Variants in NAV3 observed in about 807,000 individuals in gnomAD.
The protein encoded by NAV3 is neuron navigator 3.
In NAV3, 87 loss-of-function variants were observed where a neutral mutation model predicts 244.7. The observed-to-expected ratio is 0.36, with a 90% CI of 0.30 to 0.42. NAV3 has a LOEUF of 0.42. Among genes scored for constraint, NAV3 ranks in the 20% least tolerant of loss-of-function variants. The pLI is 1.00. For synonymous variants in NAV3, 1,126 were observed against 1,042.2 expected, an observed-to-expected ratio of 1.08 and a Z score of -1.55; for missense variants, 2,663 against 2,893.3, an observed-to-expected ratio of 0.92 and a Z score of 1.83.
At position 77,972,207 on chromosome 12, in the gene NAV3, C is replaced by A. The variant is rs115521533; in HGVS notation, c.671+3505C>A. 8.6e-3 allele frequency among the ~76,000 whole-genome samples: 1,315 copies of A among 152,182 alleles called. 19 individuals are homozygous for A. The highest frequency in any genetic ancestry group is 0.03 in the African/African-American group (1,256 of 41,518). ...GAGTGTGTGTGTGTGCACAAGTGTG[C>A]ATGCATGTGTGTCCTGCTCAAGTGG... On this transcript the variant is annotated intron_variant, in intron 5 of 39. Transcript: ENST00000397909.
Position 77,610,921 on chromosome 12 carries a change from AAG to A in NAV3, c.72+38661_72+38662del, listed in dbSNP as rs777763922. ...AATAAAATAGACAAGAAAATAGAGT[AAG>A]AGAGAAGTAAAAACTAAACCTTTGG... On this transcript the variant is annotated intron_variant, in intron 2 of 8. Coordinates refer to the NAV3 transcript ENST00000550042. 1.1e-3 allele frequency among the ~76,000 whole-genome samples: 170 copies of A among 152,020 alleles called. 1 individual carries two copies. The highest frequency in any genetic ancestry group is 3.4e-3 in the Middle Eastern group (1 of 292).
chr12:77,973,906 AAAG>A (rs1459024073), intron 5 of NAV3, among the ~76,000 whole-genome samples: 1 of 152,162 alleles, frequency 6.6e-6, no homozygotes, highest in Admixed American at 6.6e-5. Flanking sequence ...CAAAAACAGA[AAAG>A]AAGAGGGATA....
chr12:78,164,944 A>G (rs412977), intron 23 of NAV3, among the ~76,000 whole-genome samples: 7,469 of 152,164 alleles, frequency 0.049, 203 homozygotes, highest in Non-Finnish European at 0.072. Context: ...GAGATCAGGT[A>G]TAGTTAAGAA....
chr12:77,867,063 A>G (rs1880155285), intron 1 of NAV3, among the ~76,000 whole-genome samples: 3 of 152,132 alleles, frequency 2.0e-5, no homozygotes, highest in Admixed American at 2.0e-4. Context: ...AACTAGTCTG[A>G]GTTACTGTAG....
rs367571223 is a variant in NAV3 at position 78,122,399 on chromosome 12, G to A, written c.4209G>A (p.Thr1403=). The change falls in exon 16 of 40, where the codon ACG becomes ACA. Residue 1403 remains threonine (T), a synonymous_variant. Coordinates refer to ENST00000397909, the MANE Select transcript of NAV3 (RefSeq NM_001024383.2). Reference sequence around the variant, plus strand: ...AGGTCCAGAGCCTGCTCATGAGAACGGGTAGTGTGAGATCTACTCTCTCAG... The same window carrying A: ...AGGTCCAGAGCCTGCTCATGAGAACAGGTAGTGTGAGATCTACTCTCTCAG... ...THEVQSLLMR[T]GSVRSTLSES... is the part of the protein sequence containing the mutation. The A allele has an allele frequency of 3.1e-5, 50 of 1,608,792 alleles. No homozygotes were observed. Among genetic ancestry groups the A allele is most frequent in the South Asian group, 1.7e-4 (15 of 90,378 alleles).
intron 1 of NAV3, among the ~76,000 whole-genome samples, chr12:77,835,423 T>C (rs1874460025): frequency 6.6e-6 from 1 of 152,224 alleles, no homozygotes; most frequent in Non-Finnish European, 1.5e-5. Flanking sequence ...TTTTATGATC[T>C]GGTTTGAGAG....
chr12:77,630,919 A>G (rs11106032), intron 2 of NAV3, among the ~76,000 whole-genome samples: 18,160 of 152,190 alleles, frequency 0.12, 1,999 homozygotes, highest in African/African-American at 0.29. Context: ...AATATCATAC[A>G]TTTGGTGATA....
In NAV3 at chr12:77,941,553, C is replaced by A. The variant is rs1374871695; in HGVS notation, c.414+420C>A. ...GTCCAGTGTAAACACATGGACTCTTCAACACTTCTGGAAATAGTTCTCAAG... is the reference window on the plus strand; with the variant it reads ...GTCCAGTGTAAACACATGGACTCTTAAACACTTCTGGAAATAGTTCTCAAG... On this transcript the variant is annotated intron_variant, in intron 3 of 39. Coordinates refer to ENST00000397909, the MANE Select transcript of NAV3 (RefSeq NM_001024383.2). Among the ~76,000 whole-genome samples the A allele has an allele frequency of 2.0e-5, 3 of 152,232 alleles. No homozygotes were observed. In the East Asian group the frequency reaches 5.8e-4, roughly 29 times the overall value.
intron 39 of NAV3, among the ~76,000 whole-genome samples, chr12:78,206,721 A>C (rs1439837746): frequency 1.3e-5 from 2 of 152,114 alleles, no homozygotes; most frequent in Non-Finnish European, 2.9e-5. Context: ...GCTCTATTAA[A>C]CATCTTAAGA....
At chr12:77,961,735 G>T (rs1892036650) in intron 3 of NAV3, among the ~76,000 whole-genome samples, 1 of 136,802 alleles carries the variant, frequency 7.3e-6, no homozygotes, top group Non-Finnish European at 1.5e-5. Context: ...TGTAATATAT[G>T]ATTAAAGTAG....
At chr12:77,808,035 A>G (rs770325265) in intron 2 of NAV3, among the ~76,000 whole-genome samples, 2 of 152,052 alleles carry the variant, frequency 1.3e-5, no homozygotes, top group Non-Finnish European at 2.9e-5. Flanking sequence ...CAGGTCATTT[A>G]TGTTCTTCTC....
At chr12:77,930,678 C>T (rs1175065343) in intron 1 of NAV3, among the ~76,000 whole-genome samples, 1 of 152,088 alleles carries the variant, frequency 6.6e-6, no homozygotes, top group Non-Finnish European at 1.5e-5. Flanking sequence ...CATTTGGTCA[C>T]CTGTTTGTTG....
rs542993067 is a variant in NAV3, at chr12:77,608,256, T to G, written c.72+35990T>G. 2.0e-5 allele frequency among the ~76,000 whole-genome samples: 3 copies of G among 152,260 alleles called. No individual in the cohort carries two copies. In the South Asian group the frequency reaches 6.2e-4, roughly 32 times the overall value. ...ATACTGTAATGTTATTCAAACATTC[T>G]TCTTAAACAGATCCAGGAAAATGAG... On this transcript the variant is annotated intron_variant, in intron 2 of 8. Coordinates refer to the NAV3 transcript ENST00000550042.
chr12:78,119,982 G>A (rs1326779697), intron 15 of NAV3, 37 bp downstream of exon 15: 4 of 1,538,180 alleles, frequency 2.6e-6, no homozygotes, highest in Non-Finnish European at 3.5e-6. Context: ...AAAATATAAA[G>A]GATAAATATG....
chr12:77,869,279 G>A (rs944310698), intron 1 of NAV3, among the ~76,000 whole-genome samples: 1 of 151,984 alleles, frequency 6.6e-6, no homozygotes, highest in African/African-American at 2.4e-5. Flanking sequence ...TAAAGTTCTC[G>A]AGAGATAGTA....
chr12:77,758,499 T>C (rs1032887378), intron 2 of NAV3, among the ~76,000 whole-genome samples: 9 of 152,200 alleles, frequency 5.9e-5, no homozygotes, highest in Non-Finnish European at 4.4e-5. Context: ...CCATATCTTC[T>C]TTTTATCACT....
chr12:77,588,765 A>G (rs1417589388), intron 2 of NAV3, among the ~76,000 whole-genome samples: 1 of 152,250 alleles, frequency 6.6e-6, no homozygotes. Context: ...TACAGGTATG[A>G]ATTGTGAAAA....
intron 2 of NAV3, among the ~76,000 whole-genome samples, chr12:77,723,755 C>CT (rs34518266): frequency 0.13 from 8,603 of 67,276 alleles, 1,742 homozygotes; most frequent in African/African-American, 0.38. Flanking sequence ...GCAATCTTGA[C>CT]TTTTTTTTTT....
chr12:78,039,388 G>A (rs548334136), intron 9 of NAV3, among the ~76,000 whole-genome samples: 12 of 152,130 alleles, frequency 7.9e-5, no homozygotes, highest in East Asian at 7.7e-4. Flanking sequence ...TCCTATAACC[G>A]TATAGGAGCA....
Sources: allele counts gnomAD v4.1 joint callset (sites outside exome capture counted in the v4.1 genomes callset), GRCh38; gene constraint gnomAD v4.1.1; transcripts MANE v1.5; gene names NCBI Gene and HGNC (gene_info 2026-07-23, HGNC 2026-07-21).